Variants in C11orf65 observed in about 807,000 individuals in gnomAD.
C11orf65 encodes protein MFI.
Under a neutral mutation model 35.3 loss-of-function variants are expected in C11orf65, and 38 were observed. That is an observed-to-expected ratio of 1.08 (90% CI 0.83 to 1.41). The LOEUF (loss-of-function observed/expected upper bound fraction) is 1.41. Ranked by LOEUF, C11orf65 falls within the 40% of genes most tolerant of loss-of-function variation. The probability of loss-of-function intolerance (pLI) is 0.00; values close to 1 mark genes in which losing one functional copy is unlikely to be tolerated. For synonymous variants in C11orf65, 105 were observed against 114.4 expected, an observed-to-expected ratio of 0.92 and a Z score of 0.53; for missense variants, 370 against 367.1, an observed-to-expected ratio of 1.01 and a Z score of -0.06.
At chr11:108,388,509 A>C (rs1163001241) in intron 7 of C11orf65, among the ~76,000 whole-genome samples, 5 of 152,180 alleles carry the variant, frequency 3.3e-5, no homozygotes, top group Admixed American at 1.3e-4. Context: ...GCTCAGAAAA[A>C]GTCCCTAGCC....
chr11:108,409,904 G>C (rs2092624681), intron 3 of C11orf65, among the ~76,000 whole-genome samples: 1 of 152,152 alleles, frequency 6.6e-6, no homozygotes, highest in African/African-American at 2.4e-5. Context: ...CACATCCCAA[G>C]TCTGTGGTAA....
intron 2 of C11orf65, among the ~76,000 whole-genome samples, chr11:108,439,629 A>C (rs1419778820): frequency 3.9e-5 from 6 of 152,272 alleles, no homozygotes; most frequent in Non-Finnish European, 7.3e-5. Context: ...ATATAATGGA[A>C]TATTATCCAT....
At chr11:108,462,417 A>G (rs367561162) in intron 1 of C11orf65, 3 of 152,238 alleles carry the variant, frequency 2.0e-5, no homozygotes, top group South Asian at 4.1e-4. Context: ...ACAACCCTGC[A>G]TAACAGATTT....
At chr11:108,327,979 C>T (rs1305803115), downstream of C11orf65, among the ~76,000 whole-genome samples, 1 of 152,130 alleles carries the variant, frequency 6.6e-6, no homozygotes, top group East Asian at 1.9e-4. Flanking sequence ...ATCTCTTCTT[C>T]CTCCTTCCTA....
chr11:108,469,022 G>T (rs995863595), upstream of C11orf65, among the ~76,000 whole-genome samples: 3 of 151,912 alleles, frequency 2.0e-5, no homozygotes, highest in African/African-American at 7.3e-5. Flanking sequence ...TTTTTTGTAT[G>T]TTTAGTAGAG....
intron 6 of C11orf65, among the ~76,000 whole-genome samples, chr11:108,314,296 G>A (rs608086): frequency 0.54 from 81,526 of 151,760 alleles, 22,479 homozygotes; most frequent in Middle Eastern, 0.74. Context: ...TTGTAGAGAT[G>A]GGTTTAGCCA....
rs373147078 is a variant in C11orf65 at position 108,332,875 on chromosome 11, T to G, written c.300-1308A>C. On this transcript the variant is annotated intron_variant, in intron 3 of 3. Coordinates refer to the C11orf65 transcript ENST00000524755. ...CTTATATTATATTAGCAAACTTAGA[T>G]GCCACTCAGTGGAAGACTCAGAGAA... 5 of 1,612,966 alleles carry G rather than the reference T, an allele frequency of 3.1e-6. No individual in the cohort carries two copies. Among genetic ancestry groups the G allele is most frequent in the African/African-American group, 1.3e-5 (1 of 74,922 alleles).
rs191705653 is a variant in C11orf65, at chr11:108,405,097, C to G, written c.560+332G>C. ...AAGCCTTTGATGTGTGCTTTTTACT[C>G]GGGAAGTCCACAATGTCAGTTAGCC... is the stretch of plus-strand genomic sequence containing the variant. On this transcript the variant is annotated intron_variant, in intron 6 of 8. Transcript: ENST00000393084. Among the ~76,000 whole-genome samples the G allele has an allele frequency of 1.1e-3, 173 of 152,318 alleles. 1 individual carries two copies. Among genetic ancestry groups the G allele is most frequent in the Admixed American group, 1.8e-3 (28 of 15,302 alleles).
intron 6 of C11orf65, among the ~76,000 whole-genome samples, chr11:108,313,693 A>AC (rs1294060485): frequency 6.6e-6 from 1 of 152,154 alleles, no homozygotes; most frequent in Non-Finnish European, 1.5e-5. Flanking sequence ...AAGCATGGGT[A>AC]CTGAACTTTT....
At chr11:108,366,029 CAAAAAAAAAA>C (rs369583811) in intron 2 of C11orf65, 1 of 99,896 alleles carries the variant, frequency 1.0e-5, no homozygotes, top group African/African-American at 4.3e-5. Context: ...AACTCCATCT[CAAAAAAAAAA>C]AAAAAAAAAC....
At chr11:108,443,080 T>C (rs948356003) in intron 2 of C11orf65, among the ~76,000 whole-genome samples, 3 of 152,122 alleles carry the variant, frequency 2.0e-5, no homozygotes, top group Admixed American at 6.6e-5. Context: ...ACCCATCTCA[T>C]GTGCAGAGAC....
At chr11:108,433,310 G>T (rs2093018161) in intron 2 of C11orf65, among the ~76,000 whole-genome samples, 1 of 150,904 alleles carries the variant, frequency 6.6e-6, no homozygotes, top group Admixed American at 6.6e-5. Context: ...GGGCTCAGTG[G>T]CTCACGCCTA....
chr11:108,329,106 G>T (rs876659083), downstream of C11orf65: 1 of 1,614,000 alleles, frequency 6.2e-7, no homozygotes, highest in Non-Finnish European at 8.5e-7. Context: ...TCATTAGCCC[G>T]GTTTTCAGAT....
chr11:108,317,358 A>G lies in C11orf65; in HGVS notation c.641-8287T>C, dbSNP rs754971874. On this transcript the variant is annotated intron_variant, in intron 6 of 6. Coordinates refer to the C11orf65 transcript ENST00000525729. Reference sequence around the variant, plus strand: ...TTTGATTACTTAACTTAAAAACAAAATAACTCCTGTTTAGGCCTTGCAGAA... The same window carrying G: ...TTTGATTACTTAACTTAAAAACAAAGTAACTCCTGTTTAGGCCTTGCAGAA... 3 of 1,608,592 alleles carry G rather than the reference A, an allele frequency of 1.9e-6. No individual in the cohort carries two copies. Among genetic ancestry groups the G allele is most frequent in the African/African-American group, 2.7e-5 (2 of 74,758 alleles).
intron 2 of C11orf65, among the ~76,000 whole-genome samples, chr11:108,432,897 C>T (rs552789306): frequency 6.6e-6 from 1 of 152,048 alleles, no homozygotes; most frequent in Non-Finnish European, 1.5e-5. Context: ...ACATAACAAA[C>T]CACCCTAAAA....
rs200735689 is a variant in C11orf65, at chr11:108,326,138, A to C, written c.641-17067T>G. 6.2e-7 allele frequency: 1 copy of C among 1,614,064 alleles called. No individual in the cohort carries two copies. The highest frequency in any genetic ancestry group is 1.3e-5 in the African/African-American group (1 of 74,936). Reference sequence around the variant, plus strand: ...TCTCTGAGTGGCAGCTGGAAGAAGCACAAGTATTCTGGGCAAAAAAGGAGC... The same window carrying C: ...TCTCTGAGTGGCAGCTGGAAGAAGCCCAAGTATTCTGGGCAAAAAAGGAGC... On this transcript the variant is annotated intron_variant, in intron 6 of 6. Transcript: ENST00000525729.
At chr11:108,399,531 T>A (rs950640833) in intron 6 of C11orf65, among the ~76,000 whole-genome samples, 1 of 152,176 alleles carries the variant, frequency 6.6e-6, no homozygotes, top group African/African-American at 2.4e-5. Context: ...GCATCCTGTA[T>A]AGATCCAACT....
intron 3 of C11orf65, among the ~76,000 whole-genome samples, chr11:108,423,390 G>A (rs1362202486): frequency 6.6e-6 from 1 of 152,196 alleles, no homozygotes; most frequent in Non-Finnish European, 1.5e-5. Context: ...ACTGGAGTTT[G>A]GTGGGGGGAG....
rs186692207 is a variant in C11orf65, at chr11:108,408,910, A to G, written c.175-1761T>C. Among the ~76,000 whole-genome samples the G allele has an allele frequency of 2.8e-3, 421 of 152,158 alleles. 1 individual carries two copies. The highest frequency in any genetic ancestry group is 9.7e-3 in the African/African-American group (403 of 41,544). ...ATTCAACCTATAGAGTCTTAAAGACAACATTAATTTTGCAGAATAATCTTC... is the reference window on the plus strand; with the variant it reads ...ATTCAACCTATAGAGTCTTAAAGACGACATTAATTTTGCAGAATAATCTTC... On this transcript the variant is annotated intron_variant, in intron 3 of 8. Coordinates refer to ENST00000393084, the MANE Select transcript of C11orf65 (RefSeq NM_152587.5).
Sources: allele counts gnomAD v4.1 joint callset (sites outside exome capture counted in the v4.1 genomes callset), GRCh38; gene constraint gnomAD v4.1.1; transcripts MANE v1.5; gene names NCBI Gene and HGNC (gene_info 2026-07-23, HGNC 2026-07-21).